ATP8A2: variants seen among roughly 807,000 people sequenced by gnomAD.
The protein encoded by ATP8A2 is phospholipid-transporting ATPase IB.
Under a neutral mutation model 165.6 loss-of-function variants are expected in ATP8A2, and 100 were observed. The ratio of observed to expected loss-of-function variants is 0.60; its 90% CI spans 0.51 to 0.71. The LOEUF (loss-of-function observed/expected upper bound fraction) is 0.71, where lower values mean the gene tolerates loss of function less well. ATP8A2 is among the 30% of genes least tolerant of loss of function. The pLI, the probability that ATP8A2 is intolerant of heterozygous loss-of-function variation, is 0.00. For missense variants in ATP8A2, 1,227 were observed against 1,479.5 expected, an observed-to-expected ratio of 0.83 and a Z score of 2.80; for synonymous variants, 543 against 548.8, an observed-to-expected ratio of 0.99 and a Z score of 0.15.
chr13:25,597,256 A>G (rs916808714), intron 24 of ATP8A2, among the ~76,000 whole-genome samples: 4 of 152,120 alleles, frequency 2.6e-5, no homozygotes, highest in African/African-American at 4.8e-5. Context: ...AATAGACCCT[A>G]GGCTGGCCTC....
chr13:25,808,234 A>T (rs971632190), intron 27 of ATP8A2, among the ~76,000 whole-genome samples: 6 of 151,016 alleles, frequency 4.0e-5, no homozygotes, highest in Non-Finnish European at 8.8e-5. Flanking sequence ...GGCTCAAGTG[A>T]TTCTCCCACT....
In ATP8A2 at chr13:25,531,434, T is replaced by C. The variant is rs1343545654; in HGVS notation, c.420+774T>C. Among the ~76,000 whole-genome samples, 4 of 41,642 alleles carry C rather than the reference T, an allele frequency of 9.6e-5. 1 individual carries two copies. The highest frequency in any genetic ancestry group is 3.8e-4 in the African/African-American group (4 of 10,400). 27.3% of individuals were successfully genotyped at this position (41,642 alleles called of 152,430 possible). On this transcript the variant is annotated intron_variant, in intron 4 of 36. Transcript: ENST00000381655. ...ATTATATATATGATATATATATGAT[T>C]ATATATATGATTATATATATGATTA...
At chr13:25,622,449 C>A (rs1408412399) in intron 24 of ATP8A2, among the ~76,000 whole-genome samples, 1 of 152,040 alleles carries the variant, frequency 6.6e-6, no homozygotes, top group Non-Finnish European at 1.5e-5. Context: ...TATTTTGAAA[C>A]CTAGAAAAGT....
intron 24 of ATP8A2, among the ~76,000 whole-genome samples, chr13:25,697,583 G>A (rs560997381): frequency 2.6e-5 from 4 of 152,190 alleles, no homozygotes; most frequent in Non-Finnish European, 5.9e-5. Context: ...ACCTGGCCCA[G>A]ATAGGGGAAA....
intron 30 of ATP8A2, among the ~76,000 whole-genome samples, chr13:25,844,406 T>A (rs1161857675): frequency 6.6e-6 from 1 of 152,074 alleles, no homozygotes; most frequent in Non-Finnish European, 1.5e-5. Context: ...AATTTTTGTA[T>A]TTTTAGTAGA....
intron 35 of ATP8A2, among the ~76,000 whole-genome samples, chr13:26,000,051 T>C (rs1956603329): frequency 6.6e-6 from 1 of 152,210 alleles, no homozygotes; most frequent in Non-Finnish European, 1.5e-5. Context: ...TTCCTAATGA[T>C]AATGAGTAAA....
chr13:25,807,521 C>T (rs1950768673), intron 27 of ATP8A2, among the ~76,000 whole-genome samples: 1 of 152,166 alleles, frequency 6.6e-6, no homozygotes, highest in Non-Finnish European at 1.5e-5. Flanking sequence ...CCTGGACTCT[C>T]AGTTCTATCC....
chr13:25,680,634 T>G (rs899756521), intron 24 of ATP8A2, among the ~76,000 whole-genome samples: 4 of 152,086 alleles, frequency 2.6e-5, no homozygotes, highest in African/African-American at 9.7e-5. Context: ...CATGGAGAGA[T>G]AGAGTGAAGA....
intron 1 of ATP8A2, among the ~76,000 whole-genome samples, chr13:25,385,369 T>G (rs1162853756): frequency 6.6e-6 from 1 of 152,216 alleles, no homozygotes; most frequent in East Asian, 1.9e-4. Context: ...GGAAGTTACC[T>G]AATTCGCTCA....
At chr13:25,951,388 A>G (rs1159018289) in intron 33 of ATP8A2, among the ~76,000 whole-genome samples, 1 of 152,266 alleles carries the variant, frequency 6.6e-6, no homozygotes, top group Non-Finnish European at 1.5e-5. Context: ...GCCAGATTCA[A>G]CAGAACTGTA....
rs116309365 is a variant in ATP8A2 at position 25,757,698 on chromosome 13, A to G, written c.2385-11348A>G. On this transcript the variant is annotated intron_variant, in intron 25 of 36. Transcript: ENST00000381655. ...GATATTTCAAGACCTTTACAGCATG[A>G]GAAGTAAAATCCTTTTCTCAGTCAG... Among the ~76,000 whole-genome samples the G allele has an allele frequency of 8.1e-3, 1,239 of 152,274 alleles. 23 individuals carry two copies. The highest frequency in any genetic ancestry group is 0.028 in the African/African-American group (1,180 of 41,552).
intron 1 of ATP8A2, among the ~76,000 whole-genome samples, chr13:25,450,949 T>C (rs996008377): frequency 1.3e-5 from 2 of 152,112 alleles, no homozygotes; most frequent in African/African-American, 4.8e-5. Context: ...AAATATTTTG[T>C]TTGGTGATCA....
intron 11 of ATP8A2, 32 bp from the exon 12 acceptor site, chr13:25,553,761 C>T: frequency 6.3e-7 from 1 of 1,595,638 alleles, no homozygotes; most frequent in Non-Finnish European, 8.5e-7. Flanking sequence ...TGGTTGTGAA[C>T]ACCTTTCAGA....
At chr13:25,734,229 C>G (rs2043718338) in intron 25 of ATP8A2, among the ~76,000 whole-genome samples, 1 of 152,182 alleles carries the variant, frequency 6.6e-6, no homozygotes, top group Admixed American at 6.5e-5. Flanking sequence ...ATTACCTTCT[C>G]CCATTCCACC....
intron 27 of ATP8A2, among the ~76,000 whole-genome samples, chr13:25,787,455 C>T (rs541673323): frequency 6.6e-6 from 1 of 152,324 alleles, no homozygotes; most frequent in South Asian, 2.1e-4. Flanking sequence ...ATTCATTCAC[C>T]TGTTGAAGGA....
At chr13:25,434,344 C>T (rs2034695913) in intron 1 of ATP8A2, among the ~76,000 whole-genome samples, 1 of 150,732 alleles carries the variant, frequency 6.6e-6, no homozygotes, top group Non-Finnish European at 1.5e-5. Flanking sequence ...TTTTTCTTTT[C>T]TCTCTCTTTT....
intron 35 of ATP8A2, among the ~76,000 whole-genome samples, chr13:25,979,294 T>C (rs1313534957): frequency 6.6e-6 from 1 of 152,126 alleles, no homozygotes; most frequent in African/African-American, 2.4e-5. Flanking sequence ...TGGAAACATT[T>C]CTCTATTAAC....
At chr13:25,879,460 A>G (rs935908334) in intron 33 of ATP8A2, among the ~76,000 whole-genome samples, 3 of 152,382 alleles carry the variant, frequency 2.0e-5, no homozygotes, top group Admixed American at 2.0e-4. Flanking sequence ...CATGCAATCC[A>G]TAGAATATAT....
chr13:25,482,012 A>C (rs1200195307), intron 2 of ATP8A2, among the ~76,000 whole-genome samples: 1 of 152,070 alleles, frequency 6.6e-6, no homozygotes, highest in Non-Finnish European at 1.5e-5. Flanking sequence ...AGCACCACCC[A>C]CCCTTCCCAT....
Sources: gnomAD v4.1 joint callset for allele counts (sites outside exome capture counted in the v4.1 genomes callset) on GRCh38, gnomAD v4.1.1 for gene constraint, MANE v1.5 for transcripts, NCBI Gene and HGNC (gene_info 2026-07-23, HGNC 2026-07-21) for gene names.